Variants in TMEM51 observed in about 807,000 individuals in gnomAD.
The protein encoded by TMEM51 is transmembrane protein 51.
In TMEM51, 8 loss-of-function variants were observed where a neutral mutation model predicts 13.6. The ratio of observed to expected loss-of-function variants is 0.59; its 90% CI spans 0.35 to 1.07. The LOEUF (loss-of-function observed/expected upper bound fraction) is 1.07, where lower values mean the gene tolerates loss of function less well. TMEM51 is among the 50% of genes least tolerant of loss of function. The pLI, the probability that TMEM51 is intolerant of heterozygous loss-of-function variation, is 0.02. For synonymous variants in TMEM51, 147 were observed against 144.4 expected, an observed-to-expected ratio of 1.02 and a Z score of -0.13; for missense variants, 279 against 330.7, an observed-to-expected ratio of 0.84 and a Z score of 1.21.
intron 1 of TMEM51, chr1:15,171,381 G>A (rs1460994205): frequency 4.8e-6 from 6 of 1,237,324 alleles, no homozygotes; most frequent in Non-Finnish European, 6.3e-6. Context: ...CGGCAGAAAG[G>A]AAGGTGGAAG....
chr1:15,202,507 C>T (rs2100317394), intron 1 of TMEM51, among the ~76,000 whole-genome samples: 1 of 152,326 alleles, frequency 6.6e-6, no homozygotes, highest in East Asian at 1.9e-4. Context: ...GGGCTGGTTC[C>T]TCCAGAGGCT....
intron 2 of TMEM51, among the ~76,000 whole-genome samples, chr1:15,214,441 G>T (rs1189537992): frequency 1.3e-5 from 2 of 152,108 alleles, no homozygotes; most frequent in Non-Finnish European, 2.9e-5. Context: ...TGAGGGTGGG[G>T]AACAGATGAC....
intron 1 of TMEM51, among the ~76,000 whole-genome samples, chr1:15,194,178 T>C (rs183878832): frequency 6.8e-4 from 103 of 152,366 alleles, no homozygotes; most frequent in African/African-American, 2.3e-3. Context: ...AAGGCCCATA[T>C]ATAATTTTAA....
chr1:15,208,283 C>T (rs1299932612), intron 1 of TMEM51, among the ~76,000 whole-genome samples: 2 of 152,152 alleles, frequency 1.3e-5, no homozygotes, highest in African/African-American at 4.8e-5. Context: ...GAGGTGCTCA[C>T]TGAGGAGGTG....
chr1:15,215,303 CG>C lies in TMEM51; in HGVS notation c.220del (p.Val74Ter), dbSNP rs760165129. 5 of 1,614,006 alleles carry C rather than the reference CG, an allele frequency of 3.1e-6. No individual in the cohort carries two copies. The African/African-American group carries it at 6.7e-5, about 22-fold the overall frequency. ...CTGTGGCCTACGTGCTGGTCGGGGC[CG>C]GGGTGATGCTGCTGCTGCTTTCTAT... The part of the protein sequence containing the change: ...FSVAYVLVGA[G>X]VMLLLLSICL... On this transcript the variant is annotated frameshift_variant, in exon 3 of 4. Transcript: ENST00000376008. LOFTEE classifies it high-confidence loss of function.
chr1:15,199,905 G>A lies in TMEM51; in HGVS notation c.-266-10585G>A, dbSNP rs566046195. ...GTGGGGACCGTAGCACTTCCTTCCC[G>A]GGGCTGCTGGGAGATGATGTGTGAA... is the stretch of plus-strand genomic sequence containing the variant. On this transcript the variant is annotated intron_variant, in intron 1 of 3. Coordinates refer to ENST00000376008, the MANE Select transcript of TMEM51 (RefSeq NM_001136218.2). 5.9e-5 allele frequency among the ~76,000 whole-genome samples: 9 copies of A among 152,232 alleles called. No individual in the cohort carries two copies. In the South Asian group the frequency reaches 8.3e-4, roughly 14 times the overall value.
chr1:15,211,801 T>C (rs16851411), intron 2 of TMEM51, among the ~76,000 whole-genome samples: 2 of 66,416 alleles, frequency 3.0e-5, no homozygotes, highest in Admixed American at 1.5e-4. Context: ...GAAGCAATCA[T>C]GGTACAAGTC....
At chr1:15,201,600 A>G (rs1644156639) in intron 1 of TMEM51, among the ~76,000 whole-genome samples, 2 of 152,270 alleles carry the variant, frequency 1.3e-5, no homozygotes, top group Middle Eastern at 3.4e-3. Flanking sequence ...TAAAAATCGA[A>G]GACAGGAAGG....
chr1:15,211,832 C>G (rs1038752857), intron 2 of TMEM51, among the ~76,000 whole-genome samples: 75 of 125,534 alleles, frequency 6.0e-4, no homozygotes, highest in Non-Finnish European at 7.5e-4. Context: ...CCCCCCCCCC[C>G]CCCCCGGGAT....
Position 15,167,669 on chromosome 1 carries a change from T to TG in TMEM51, c.-267+13716dup, listed in dbSNP as rs1010683325. Reference sequence around the variant, plus strand: ...GCACCAGGGCTATGCAGGGACCTAATGAAACATTGATAATATCCTCCCCTC... The same window carrying TG: ...GCACCAGGGCTATGCAGGGACCTAATGGAAACATTGATAATATCCTCCCCTC... On this transcript the variant is annotated intron_variant, in intron 1 of 3. Coordinates refer to ENST00000376008, the MANE Select transcript of TMEM51 (RefSeq NM_001136218.2). Among the ~76,000 whole-genome samples, 33 of 152,314 alleles carry TG rather than the reference T, an allele frequency of 2.2e-4. 1 individual carries two copies. The highest frequency in any genetic ancestry group is 7.9e-4 in the African/African-American group (33 of 41,578).
rs761427067 is a variant in TMEM51 at position 15,219,734 on chromosome 1, G to A, written c.753G>A (p.Pro251=). 16 of 1,612,480 alleles carry A rather than the reference G, an allele frequency of 9.9e-6. No individual in the cohort carries two copies. Among genetic ancestry groups the A allele is most frequent in the South Asian group, 5.5e-5 (5 of 91,018 alleles). ...AGGAGAAGGCCCCCGACACCCGGCC[G>A]CCCGACTGAATGGCCCCACTTGAGC... ...EVQEKAPDTR[P]PD is the part of the protein sequence containing the mutation. Residue 251 remains proline (P), a synonymous_variant, in exon 4 of 4, where the codon CCG becomes CCA. Coordinates refer to ENST00000376008, the MANE Select transcript of TMEM51 (RefSeq NM_001136218.2).
chr1:15,166,904 T>A lies in TMEM51; in HGVS notation c.-267+12950T>A, dbSNP rs563893631. 6.6e-5 allele frequency among the ~76,000 whole-genome samples: 10 copies of A among 152,264 alleles called. No individual in the cohort carries two copies. In the East Asian group the frequency reaches 1.9e-3, roughly 29 times the overall value. The stretch of plus-strand genomic sequence containing the variant: ...TCTCCTGCTGCCTCTTTGTAGTCTT[T>A]CCTGTCTCCACCCCCCAGCAGCCAC... On this transcript the variant is annotated intron_variant, in intron 1 of 3. Coordinates refer to ENST00000376008, the MANE Select transcript of TMEM51 (RefSeq NM_001136218.2).
intron 1 of TMEM51, 50 bp from the exon 2 acceptor site, chr1:15,210,440 C>T (rs1215722702): frequency 1.3e-5 from 2 of 152,180 alleles, no homozygotes; most frequent in African/African-American, 4.8e-5. Context: ...ACTCCAATTG[C>T]AATGCTCACA....
Position 15,214,006 on chromosome 1 carries a change from CT to C in TMEM51, c.-193-871del, listed in dbSNP as rs367871717. Among the ~76,000 whole-genome samples, 733 of 124,172 alleles carry C rather than the reference CT, an allele frequency of 5.9e-3. 2 individuals carry two copies. Among genetic ancestry groups the C allele is most frequent in the East Asian group, 6.8e-3 (29 of 4,252 alleles). 81.5% of individuals were successfully genotyped at this position (124,172 alleles called of 152,430 possible). A position where few individuals can be genotyped will look rare whatever the true frequency, so the allele number is the denominator to read the frequency against. On this transcript the variant is annotated intron_variant, in intron 2 of 3. Coordinates refer to ENST00000376008, the MANE Select transcript of TMEM51 (RefSeq NM_001136218.2). Reference sequence around the variant, plus strand: ...ACTGGCACGTGCCACAGCACCCAGCCTTTTTTTTTTTTTTTTTTGTATTTTT... The same window carrying C: ...ACTGGCACGTGCCACAGCACCCAGCCTTTTTTTTTTTTTTTTTGTATTTTT...
intron 3 of TMEM51, among the ~76,000 whole-genome samples, chr1:15,216,031 C>CAA (rs112675244): frequency 0.14 from 19,574 of 144,490 alleles, 1,545 homozygotes; most frequent in East Asian, 0.3. Flanking sequence ...GACTCTGTCT[C>CAA]AAAAAAAAAA....
Position 15,215,043 on chromosome 1 carries a change from T to C in TMEM51, c.-45T>C. The C allele has an allele frequency of 6.4e-7, 1 of 1,551,516 alleles. No individual in the cohort carries two copies. Among genetic ancestry groups the C allele is most frequent in the Non-Finnish European group, 8.7e-7 (1 of 1,145,758 alleles). ...TGTTGTGACTGCTGCCTTGTATACATTTATTTTCTTTCTTGGAACTGGGCC... is the reference window on the plus strand; with the variant it reads ...TGTTGTGACTGCTGCCTTGTATACACTTATTTTCTTTCTTGGAACTGGGCC... On this transcript the variant is annotated 5_prime_UTR_variant, in exon 3 of 4. Transcript: ENST00000376008.
At chr1:15,178,870 C>G (rs1352417082) in intron 1 of TMEM51, among the ~76,000 whole-genome samples, 1 of 152,212 alleles carries the variant, frequency 6.6e-6, no homozygotes, top group African/African-American at 2.4e-5. Context: ...GGGCATGAAA[C>G]CTGGTTGATG....
chr1:15,192,239 G>T, intron 1 of TMEM51: 1 of 330,032 alleles, frequency 3.0e-6, no homozygotes, highest in East Asian at 6.4e-5. Flanking sequence ...AAATCTGGTG[G>T]TCTTTCACTT....
At chr1:15,162,116 T>C (rs907336738) in intron 1 of TMEM51, among the ~76,000 whole-genome samples, 1 of 151,880 alleles carries the variant, frequency 6.6e-6, no homozygotes, top group Admixed American at 6.6e-5. Context: ...AGGGATCCAC[T>C]CCCAACAACC....
Sources: gnomAD v4.1 joint callset for allele counts (sites outside exome capture counted in the v4.1 genomes callset) on GRCh38, gnomAD v4.1.1 for gene constraint, MANE v1.5 for transcripts, NCBI Gene and HGNC (gene_info 2026-07-23, HGNC 2026-07-21) for gene names.